Variants in DMXL2 observed in about 807,000 individuals in gnomAD.
DMXL2 encodes the protein dmX-like protein 2.
A neutral mutation model predicts 331.1 loss-of-function variants in DMXL2; 103 were observed. The observed-to-expected ratio is 0.31, with a 90% CI of 0.27 to 0.37. The LOEUF (loss-of-function observed/expected upper bound fraction) is 0.37. DMXL2 is among the 10% of genes least tolerant of loss of function. DMXL2 has a pLI of 1.00. For missense variants in DMXL2, 3,171 were observed against 3,642.9 expected, an observed-to-expected ratio of 0.87 and a Z score of 3.33; for synonymous variants, 1,281 against 1,252.1, an observed-to-expected ratio of 1.02 and a Z score of -0.49.
intron 1 of DMXL2, among the ~76,000 whole-genome samples, chr15:51,614,784 G>A (rs1228368777): frequency 6.6e-6 from 1 of 152,008 alleles, no homozygotes; most frequent in Non-Finnish European, 1.5e-5. Context: ...TTTTTATTCT[G>A]AGTGGAAAAA....
chr15:51,502,361 C>T (rs781069949), intron 17 of DMXL2, among the ~76,000 whole-genome samples: 53 of 143,804 alleles, frequency 3.7e-4, no homozygotes, highest in South Asian at 8.6e-4. Flanking sequence ...CTGTGTCGCC[C>T]GCCCAGGCTG....
chr15:51,463,101 T>C, intron 33 of DMXL2: 1 of 222,334 alleles, frequency 4.5e-6, no homozygotes, highest in Admixed American at 5.4e-5. Context: ...AAGCCATCCA[T>C]CACAATGTTT....
At chr15:51,615,986 A>G (rs1352582374) in intron 1 of DMXL2, among the ~76,000 whole-genome samples, 2 of 152,236 alleles carry the variant, frequency 1.3e-5, no homozygotes, top group African/African-American at 4.8e-5. Context: ...AGAAGAAAAC[A>G]CTACTGATTT....
intron 1 of DMXL2, among the ~76,000 whole-genome samples, chr15:51,604,896 T>G (rs1300834186): frequency 6.6e-6 from 1 of 152,178 alleles, no homozygotes. Context: ...GATAGAGACA[T>G]AGATCAGTGC....
intron 6 of DMXL2, among the ~76,000 whole-genome samples, chr15:51,559,682 T>C (rs967799738): frequency 3.3e-5 from 5 of 152,236 alleles, no homozygotes; most frequent in Non-Finnish European, 7.4e-5. Context: ...GATCGGCCGA[T>C]GTACTCCAGC....
chr15:51,556,826 A>T (rs555380136), intron 6 of DMXL2, among the ~76,000 whole-genome samples: 1 of 152,204 alleles, frequency 6.6e-6, no homozygotes, highest in Non-Finnish European at 1.5e-5. Flanking sequence ...GCTTCCTAAA[A>T]TTCTATATCG....
chr15:51,542,216 TTAAG>T (rs2048636827), intron 9 of DMXL2, 113 bp downstream of exon 9: 4 of 979,434 alleles, frequency 4.1e-6, no homozygotes, highest in Non-Finnish European at 6.0e-6. Context: ...TCTACTCCAA[TTAAG>T]TATTTTAAAG....
chr15:51,514,616 C>T, intron 14 of DMXL2, 57 bp from the exon 15 acceptor site: 1 of 1,067,530 alleles, frequency 9.4e-7, no homozygotes, highest in Non-Finnish European at 1.4e-6. Flanking sequence ...TGTCTCCCAT[C>T]TCCCATCTGT....
At chr15:51,502,488 A>G (rs2043738346) in intron 17 of DMXL2, among the ~76,000 whole-genome samples, 1 of 151,702 alleles carries the variant, frequency 6.6e-6, no homozygotes, top group African/African-American at 2.4e-5. Flanking sequence ...ACGCCCAACT[A>G]ATTTGTGTAT....
intron 1 of DMXL2, among the ~76,000 whole-genome samples, chr15:51,597,003 A>G (rs1373970524): frequency 6.6e-6 from 1 of 152,168 alleles, no homozygotes; most frequent in Admixed American, 6.5e-5. Flanking sequence ...GCACACCAAC[A>G]TGGCACATGT....
At chr15:51,615,055 A>G (rs2054205791) in intron 1 of DMXL2, among the ~76,000 whole-genome samples, 1 of 152,240 alleles carries the variant, frequency 6.6e-6, no homozygotes, top group Non-Finnish European at 1.5e-5. Flanking sequence ...ATTTGCTAAC[A>G]TTAGATACGG....
rs1454002456 is a variant in DMXL2 at position 51,499,908 on chromosome 15, T to C, written c.3316A>G (p.Ile1106Val). The change falls in exon 18 of 44, where the codon ATA becomes GTA. Residue 1106 changes from isoleucine (I) to valine (V), a missense_variant. This residue lies in a region of DMXL2 where 1,674 missense variants were observed against 1,780.2 expected (regional missense o/e 0.94). Coordinates refer to ENST00000560891, the MANE Select transcript of DMXL2 (RefSeq NM_001378457.1). ...VSKEFSMHVC[I>V]FECESTGGSE... is the part of the protein sequence containing the mutation. ...CCTCCTGTAGATTCACATTCAAATATACAAACATGCATGGAAAATTCTTTA... is the reference window on the plus strand; with the variant it reads ...CCTCCTGTAGATTCACATTCAAATACACAAACATGCATGGAAAATTCTTTA... 1.9e-6 allele frequency: 3 copies of C among 1,614,140 alleles called. No individual in the cohort carries two copies. Among genetic ancestry groups the C allele is most frequent in the South Asian group, 2.2e-5 (2 of 91,072 alleles).
Position 51,464,700 on chromosome 15 carries a change from G to A in DMXL2, c.7783C>T (p.Leu2595=). 1 of 1,613,996 alleles carries A rather than the reference G, an allele frequency of 6.2e-7. No homozygotes were observed. Among genetic ancestry groups the A allele is most frequent in the African/African-American group, 1.3e-5 (1 of 75,026 alleles). Residue 2595 remains leucine, a synonymous_variant, in exon 32 of 44, where the codon CTA becomes TTA. Transcript: ENST00000560891. ...GPAILRNKAM[L]EPENTPFKSR... is the part of the protein sequence containing the mutation. ...TTGAATGGGGTATTTTCAGGTTCTA[G>A]CATTGCTTTATTTCGAAGAATAGCT...
chr15:51,555,185 C>A (rs1268412510), intron 6 of DMXL2, among the ~76,000 whole-genome samples: 1 of 152,108 alleles, frequency 6.6e-6, no homozygotes, highest in Non-Finnish European at 1.5e-5. Flanking sequence ...AATCACTCCA[C>A]CTGCTGGTTT....
intron 30 of DMXL2, among the ~76,000 whole-genome samples, 154 bp downstream of exon 30, chr15:51,466,030 A>G (rs1414426362): frequency 2.6e-5 from 4 of 152,200 alleles, no homozygotes; most frequent in African/African-American, 9.6e-5. Flanking sequence ...CTATGTAGAC[A>G]TTGACCTCAA....
At chr15:51,507,353 T>C in intron 15 of DMXL2, 100 bp from the exon 16 acceptor site, 1 of 1,198,830 alleles carries the variant, frequency 8.3e-7, no homozygotes, top group Non-Finnish European at 1.1e-6. Flanking sequence ...TGCATGGAAG[T>C]TGGGAAGAAA....
chr15:51,581,448 C>G (rs1176743914), intron 1 of DMXL2, among the ~76,000 whole-genome samples: 1 of 152,138 alleles, frequency 6.6e-6, no homozygotes, highest in Non-Finnish European at 1.5e-5. Context: ...CTGACAACCA[C>G]TGACAGATGC....
intron 6 of DMXL2, among the ~76,000 whole-genome samples, chr15:51,561,216 AATAAT>A (rs2049948276): frequency 1.3e-5 from 2 of 152,368 alleles, no homozygotes; most frequent in South Asian, 2.1e-4. Context: ...ACACGAAAGA[AATAAT>A]ATAATCTCTC....
At chr15:51,537,901 T>C (rs2048372842) in intron 10 of DMXL2, 142 bp from the exon 11 acceptor site, 7 of 1,075,400 alleles carry the variant, frequency 6.5e-6, no homozygotes, top group Non-Finnish European at 6.4e-6. Flanking sequence ...GAAACTTTTG[T>C]CTGAATTGAA....
Sources: gnomAD v4.1 joint callset for allele counts (sites outside exome capture counted in the v4.1 genomes callset) on GRCh38, gnomAD v4.1.1 for gene constraint, gnomAD v4.1.1 regional missense constraint, MANE v1.5 for transcripts, NCBI Gene and HGNC (gene_info 2026-07-23, HGNC 2026-07-21) for gene names.